RARB: variants seen among roughly 807,000 people sequenced by gnomAD.
RARB encodes HBV-activated protein.
In RARB, 17 loss-of-function variants were observed where a neutral mutation model predicts 51.9. The observed-to-expected ratio is 0.33, with a 90% CI of 0.22 to 0.49. The LOEUF (loss-of-function observed/expected upper bound fraction) is 0.49, where lower values mean the gene tolerates loss of function less well. RARB is among the 20% of genes least tolerant of loss of function. The pLI, the probability that RARB is intolerant of heterozygous loss-of-function variation, is 0.99. For synonymous variants in RARB, 215 were observed against 195.4 expected (o/e 1.10, Z -0.84); for missense variants, 369 against 550.8 (o/e 0.67, Z 3.30).
chr3:25,488,667 A>T (rs1696584698), intron 2 of RARB, among the ~76,000 whole-genome samples: 1 of 152,232 alleles, frequency 6.6e-6, no homozygotes, highest in African/African-American at 2.4e-5. Flanking sequence ...GCCAGATGGG[A>T]AGTAGCCACT....
intron 2 of RARB, among the ~76,000 whole-genome samples, chr3:25,002,442 G>A (rs1441160325): frequency 6.6e-6 from 1 of 152,160 alleles, no homozygotes; most frequent in Non-Finnish European, 1.5e-5. Flanking sequence ...CAGTCATACA[G>A]CCAACACACT....
At chr3:25,292,092 A>G (rs1166619334) in intron 5 of RARB, among the ~76,000 whole-genome samples, 2 of 151,686 alleles carry the variant, frequency 1.3e-5, no homozygotes, top group Middle Eastern at 3.2e-3. Context: ...TGTTTCTCAA[A>G]CTCCCCATCC....
chr3:25,262,768 T>C (rs938943988), intron 5 of RARB, among the ~76,000 whole-genome samples: 3 of 152,178 alleles, frequency 2.0e-5, no homozygotes, highest in Non-Finnish European at 4.4e-5. Flanking sequence ...CTATATCCTA[T>C]AATGAAGCAT....
intron 5 of RARB, among the ~76,000 whole-genome samples, chr3:25,293,010 T>C (rs1279048211): frequency 1.3e-5 from 2 of 152,184 alleles, no homozygotes; most frequent in African/African-American, 4.8e-5. Context: ...AGGTTGGTTT[T>C]GTTTTTTGTG....
At chr3:25,216,358 G>A (rs1219795144) in intron 5 of RARB, among the ~76,000 whole-genome samples, 1 of 152,042 alleles carries the variant, frequency 6.6e-6, no homozygotes, top group Admixed American at 6.6e-5. Flanking sequence ...TTGATAGACT[G>A]GATAAAGAAA....
At chr3:25,080,886 C>A (rs1698980607) in intron 3 of RARB, among the ~76,000 whole-genome samples, 1 of 151,944 alleles carries the variant, frequency 6.6e-6, no homozygotes, top group African/African-American at 2.4e-5. Context: ...TGATGAAATC[C>A]AATATACCTA....
chr3:25,504,853 G>A (rs1384879759), intron 3 of RARB, among the ~76,000 whole-genome samples: 1 of 149,212 alleles, frequency 6.7e-6, no homozygotes, highest in Non-Finnish European at 1.5e-5. Context: ...CACCTCCTGG[G>A]TTCAAGCGAT....
chr3:25,366,541 C>T (rs946715112), intron 5 of RARB, among the ~76,000 whole-genome samples: 1 of 152,036 alleles, frequency 6.6e-6, no homozygotes, highest in East Asian at 1.9e-4. Flanking sequence ...ACTGATGAAA[C>T]CAGAACTTTG....
At chr3:25,038,351 T>C (rs1467441302) in intron 2 of RARB, among the ~76,000 whole-genome samples, 5 of 151,062 alleles carry the variant, frequency 3.3e-5, no homozygotes, top group Admixed American at 2.0e-4. Flanking sequence ...ATGAAAAAAA[T>C]TGTCTAATGG....
chr3:24,896,301 C>G lies in RARB; in HGVS notation c.-380+37549C>G, dbSNP rs113305087. ...TTGAGATGGAGTCTTGCTCTGTCACCCAGGCTGGAGTGCCGTGGCGTGATC... is the reference window on the plus strand; with the variant it reads ...TTGAGATGGAGTCTTGCTCTGTCACGCAGGCTGGAGTGCCGTGGCGTGATC... On this transcript the variant is annotated intron_variant, in intron 2 of 11. Coordinates refer to the RARB transcript ENST00000383772. 6.6e-3 allele frequency among the ~76,000 whole-genome samples: 998 copies of G among 152,124 alleles called. 14 individuals carry two copies. Among genetic ancestry groups the G allele is most frequent in the African/African-American group, 0.023 (946 of 41,508 alleles).
intron 1 of RARB, among the ~76,000 whole-genome samples, chr3:25,448,219 A>G (rs78105196): frequency 0.019 from 2,948 of 152,236 alleles, 82 homozygotes; most frequent in African/African-American, 0.067. Flanking sequence ...AAGGTGGACA[A>G]GTTTCGGGAA....
chr3:24,904,111 T>C (rs1694795013), intron 2 of RARB, among the ~76,000 whole-genome samples: 1 of 152,216 alleles, frequency 6.6e-6, no homozygotes. Context: ...AAAATTGTCA[T>C]ATTCTTCATT....
chr3:25,503,505 C>T (rs961998541), intron 3 of RARB, among the ~76,000 whole-genome samples: 1 of 152,124 alleles, frequency 6.6e-6, no homozygotes, highest in African/African-American at 2.4e-5. Context: ...AAACTGGCAG[C>T]TTGGTTGGCA....
At chr3:25,140,468 T>C (rs1700091582) in intron 4 of RARB, among the ~76,000 whole-genome samples, 1 of 152,152 alleles carries the variant, frequency 6.6e-6, no homozygotes, top group African/African-American at 2.4e-5. Context: ...GGAGCCTAAA[T>C]ATGTGACTGG....
intron 5 of RARB, among the ~76,000 whole-genome samples, chr3:25,237,919 A>G (rs754653994): frequency 2.6e-5 from 4 of 152,128 alleles, no homozygotes; most frequent in South Asian, 2.1e-4. Context: ...GTACATATAT[A>G]GAGAGAGTAC....
Position 25,197,139 on chromosome 3 carries a change from G to GCCC in RARB, c.178+22565_178+22567dup, listed in dbSNP as rs1701263940. Among the ~76,000 whole-genome samples, 5 of 152,066 alleles carry GCCC rather than the reference G, an allele frequency of 3.3e-5. No individual in the cohort carries two copies. The South Asian group carries it at 1.0e-3, about 32-fold the overall frequency. On this transcript the variant is annotated intron_variant, in intron 5 of 11. Coordinates refer to the RARB transcript ENST00000383772. The stretch of plus-strand genomic sequence containing the variant: ...TTGGTGTTTTAGACATGAAGTCCTT[G>GCCC]CCCATGCCTATGTCCTGAATGGTAT...
intron 5 of RARB, among the ~76,000 whole-genome samples, chr3:25,222,826 AGGATCTTAAAATATT>A (rs1191740587): frequency 2.0e-5 from 3 of 152,202 alleles, no homozygotes; most frequent in Non-Finnish European, 4.4e-5. Flanking sequence ...GACAAAGCCA[AGGATCTTAAAATATT>A]GTCTGTTTAA....
chr3:25,584,784 G>A (rs771616574), intron 5 of RARB, among the ~76,000 whole-genome samples: 31 of 152,132 alleles, frequency 2.0e-4, no homozygotes, highest in Admixed American at 1.6e-3. Flanking sequence ...GTAGCACTGC[G>A]TCAATATTGG....
intron 3 of RARB, among the ~76,000 whole-genome samples, chr3:25,081,621 ATTTTTTTTT>A (rs1168828068): frequency 1.0e-3 from 6 of 5,800 alleles, no homozygotes; most frequent in Non-Finnish European, 1.8e-3. Context: ...ATATATATAT[ATTTTTTTTT>A]TTTTTTTTTT....
Sources: gnomAD v4.1 joint callset for allele counts (sites outside exome capture counted in the v4.1 genomes callset) on GRCh38, gnomAD v4.1.1 for gene constraint, MANE v1.5 for transcripts, NCBI Gene and HGNC (gene_info 2026-07-23, HGNC 2026-07-21) for gene names.